Variants in BICD1 observed in about 807,000 individuals in gnomAD.
BICD1 encodes the protein protein bicaudal D homolog 1.
Under a neutral mutation model 92.5 loss-of-function variants are expected in BICD1, and 35 were observed. The observed-to-expected ratio is 0.38, with a 90% CI of 0.29 to 0.50. The LOEUF (loss-of-function observed/expected upper bound fraction) is 0.50, where lower values mean the gene tolerates loss of function less well. BICD1 is among the 20% of genes least tolerant of loss of function. The pLI is 0.93. For missense variants in BICD1, 950 were observed against 1,189.8 expected, an observed-to-expected ratio of 0.80 and a Z score of 2.97; for synonymous variants, 429 against 465.1, an observed-to-expected ratio of 0.92 and a Z score of 1.00.
At chr12:32,198,388 A>G (rs1592460598) in intron 1 of BICD1, among the ~76,000 whole-genome samples, 2 of 143,890 alleles carry the variant, frequency 1.4e-5, no homozygotes, top group African/African-American at 5.1e-5. Context: ...GAAGAACCTG[A>G]AAGTCCTCCA....
chr12:32,192,194 G>T (rs886469925), intron 1 of BICD1, among the ~76,000 whole-genome samples: 9 of 152,130 alleles, frequency 5.9e-5, no homozygotes, highest in Admixed American at 5.2e-4. Context: ...CACTTTGGGA[G>T]GCCAAGGTGG....
At chr12:32,154,654 G>A (rs373192413) in intron 1 of BICD1, among the ~76,000 whole-genome samples, 43 of 152,320 alleles carry the variant, frequency 2.8e-4, no homozygotes, top group African/African-American at 9.4e-4. Flanking sequence ...AATGTAGCTC[G>A]TGGTGTTCTT....
intron 1 of BICD1, among the ~76,000 whole-genome samples, chr12:32,176,624 T>G (rs543418993): frequency 6.6e-6 from 1 of 152,348 alleles, no homozygotes; most frequent in South Asian, 2.1e-4. Flanking sequence ...CATTGTAGAT[T>G]AGTGTTTATT....
At chr12:32,316,697 TTC>T (rs1948511845) in intron 4 of BICD1, among the ~76,000 whole-genome samples, 1 of 152,162 alleles carries the variant, frequency 6.6e-6, no homozygotes, top group South Asian at 2.1e-4. Flanking sequence ...TCTTTTTTTT[TTC>T]TTTTTTTAAA....
chr12:32,312,777 G>A (rs1948412220), intron 4 of BICD1, among the ~76,000 whole-genome samples: 1 of 152,108 alleles, frequency 6.6e-6, no homozygotes, highest in African/African-American at 2.4e-5. Context: ...CTATAAACTT[G>A]ACAATAGTCC....
intron 4 of BICD1, among the ~76,000 whole-genome samples, chr12:32,322,616 G>A (rs1948688185): frequency 6.6e-6 from 1 of 152,192 alleles, no homozygotes; most frequent in Non-Finnish European, 1.5e-5. Context: ...CAGAGGCCTG[G>A]GAGTTGGGGA....
At position 32,341,463 on chromosome 12, in the gene BICD1, C is replaced by CAA. The variant is rs36000130; in HGVS notation, c.2764+2499_2764+2500dup. Among the ~76,000 whole-genome samples, 383 of 121,632 alleles carry CAA rather than the reference C, an allele frequency of 3.1e-3. 1 individual carries two copies. The highest frequency in any genetic ancestry group is 5.1e-3 in the African/African-American group (175 of 34,350). 79.8% of individuals were successfully genotyped at this position (121,632 alleles called of 152,430 possible). On this transcript the variant is annotated intron_variant, in intron 8 of 9. Transcript: ENST00000652176. ...TGGGTGACAGAGTGAGACACTGTCTCAAAAAAAAAAAAAAAATTAGAGATA... is the reference window on the plus strand; with the variant it reads ...TGGGTGACAGAGTGAGACACTGTCTCAAAAAAAAAAAAAAAAAATTAGAGATA...
chr12:32,290,630 G>C (rs1947701006), intron 2 of BICD1, among the ~76,000 whole-genome samples: 1 of 152,112 alleles, frequency 6.6e-6, no homozygotes, highest in African/African-American at 2.4e-5. Flanking sequence ...CCCAACCCTA[G>C]ATATCTAATT....
At position 32,328,474 on chromosome 12, in the gene BICD1, G is replaced by C; in HGVS notation, c.2019G>C (p.Glu673Asp). ...AAGACAAGGAAGCCTTAATGGAAGA[G>C]ATCCTCAAGCTAAAGTCCCTGCTGA... ...IDKDKEALMEEILKLKSLLST... is the reference protein window; with the variant it reads ...IDKDKEALMEDILKLKSLLST... The change falls in exon 5 of 10, where the codon GAG (glutamate) becomes GAC (aspartate). Residue 673 changes from glutamate (E) to aspartate (D), a missense_variant. Transcript: ENST00000652176. This position sits in a 1 kb window ranked among gnomAD's most constrained non-coding sequence, Gnocchi z 4.4. The C allele has an allele frequency of 6.2e-7, 1 of 1,614,202 alleles. No homozygotes were observed. Among genetic ancestry groups the C allele is most frequent in the Non-Finnish European group, 8.5e-7 (1 of 1,180,048 alleles).
At chr12:32,122,356 G>A (rs367662805) in intron 1 of BICD1, among the ~76,000 whole-genome samples, 1 of 151,916 alleles carries the variant, frequency 6.6e-6, no homozygotes, top group Non-Finnish European at 1.5e-5. Context: ...GGGCTTGGTG[G>A]TGGGCGCCTG....
chr12:32,181,687 T>C (rs1441340474), intron 1 of BICD1, among the ~76,000 whole-genome samples: 1 of 151,972 alleles, frequency 6.6e-6, no homozygotes, highest in African/African-American at 2.4e-5. Flanking sequence ...TCAGAAAATA[T>C]CATTTTTCAC....
At chr12:32,204,466 G>A (rs181969353) in intron 1 of BICD1, among the ~76,000 whole-genome samples, 11 of 152,236 alleles carry the variant, frequency 7.2e-5, no homozygotes, top group Admixed American at 6.5e-4. Context: ...CACTCTCCGG[G>A]GCGGCCAAAA....
At chr12:32,142,496 A>ATCTATCTATCTATCTATCTATTGG (rs1555134359) in intron 1 of BICD1, among the ~76,000 whole-genome samples, 2 of 73,294 alleles carry the variant, frequency 2.7e-5, no homozygotes, top group Non-Finnish European at 5.5e-5. Context: ...CTATTGGTCT[A>ATCTATCTATCTATCTATCTATTGG]TCTATCTAGA....
intron 4 of BICD1, among the ~76,000 whole-genome samples, chr12:32,321,948 G>C (rs1252126771): frequency 6.6e-6 from 1 of 151,388 alleles, no homozygotes; most frequent in Admixed American, 6.6e-5. Context: ...GCAGTGAGCC[G>C]AGATCACACC....
At chr12:32,114,885 TACTC>T (rs1941832627) in intron 1 of BICD1, among the ~76,000 whole-genome samples, 1 of 152,250 alleles carries the variant, frequency 6.6e-6, no homozygotes, top group South Asian at 2.1e-4. Flanking sequence ...AATTAGCCCT[TACTC>T]ACCATTTAGG....
rs577221823 is a variant in BICD1, at chr12:32,176,710, C to T, written c.214-39537C>T. Among the ~76,000 whole-genome samples the T allele has an allele frequency of 2.2e-4, 33 of 152,230 alleles. 1 individual carries two copies. The South Asian group carries it at 5.8e-3, about 27-fold the overall frequency. On this transcript the variant is annotated intron_variant, in intron 1 of 9. Transcript: ENST00000652176. ...CTTCTTTCACTCATCGTAAGGGTTT[C>T]GAGTTTCATCAGTGTTATTGTGTTT... is the stretch of plus-strand genomic sequence containing the variant.
intron 8 of BICD1, among the ~76,000 whole-genome samples, chr12:32,350,851 C>A (rs990734396): frequency 6.6e-6 from 1 of 151,718 alleles, no homozygotes; most frequent in Admixed American, 6.6e-5. Context: ...TGCCATAGAA[C>A]CACTAAATTC....
chr12:32,134,979 C>T (rs2630601), intron 1 of BICD1, among the ~76,000 whole-genome samples: 120,389 of 151,174 alleles, frequency 0.8, 48,047 homozygotes, highest in Middle Eastern at 0.88. Flanking sequence ...GAGCCTTGGG[C>T]CCACATTTCT....
intron 2 of BICD1, among the ~76,000 whole-genome samples, chr12:32,285,175 T>C (rs538222358): frequency 6.6e-6 from 1 of 152,196 alleles, no homozygotes; most frequent in Non-Finnish European, 1.5e-5. Context: ...TTCTACCCAA[T>C]GATAACTTCC....
Sources: allele counts gnomAD v4.1 joint callset (sites outside exome capture counted in the v4.1 genomes callset), GRCh38; gene constraint gnomAD v4.1.1; non-coding constraint Gnocchi (gnomAD v3.1); transcripts MANE v1.5; gene names NCBI Gene and HGNC (gene_info 2026-07-23, HGNC 2026-07-21).